Variants in ELMO1 observed in about 807,000 individuals in gnomAD.
ELMO1 encodes the protein engulfment and cell motility protein 1.
ELMO1 carries 26 observed loss-of-function variants against 98.9 expected under a neutral mutation model. The ratio of observed to expected loss-of-function variants is 0.26; its 90% CI spans 0.19 to 0.36. The LOEUF is 0.36. Among genes scored for constraint, ELMO1 ranks in the 10% least tolerant of loss-of-function variants. The pLI is 1.00. For missense variants in ELMO1, 627 were observed against 935.2 expected (o/e 0.67, Z 4.30); for synonymous variants, 346 against 346.0 (o/e 1.00, Z 0.00).
chr7:37,167,275 G>C (rs1039421201), intron 13 of ELMO1, among the ~76,000 whole-genome samples: 24 of 152,070 alleles, frequency 1.6e-4, no homozygotes, highest in Non-Finnish European at 2.5e-4. Context: ...ACACTGATGG[G>C]TCTTGACTCT....
chr7:36,861,114 T>G (rs1338755060), intron 21 of ELMO1, among the ~76,000 whole-genome samples: 2 of 152,224 alleles, frequency 1.3e-5, no homozygotes, highest in African/African-American at 4.8e-5. Context: ...TTTCCTAGAT[T>G]TATGCTAAAT....
chr7:36,897,180 C>A (rs1806079142), intron 16 of ELMO1, among the ~76,000 whole-genome samples: 1 of 152,162 alleles, frequency 6.6e-6, no homozygotes, highest in Non-Finnish European at 1.5e-5. Context: ...CAAAATCCTT[C>A]CCCAGACTTT....
At chr7:36,877,963 C>T (rs1352928495) in intron 19 of ELMO1, 47 bp downstream of exon 19, 1 of 1,460,858 alleles carries the variant, frequency 6.8e-7, no homozygotes, top group Non-Finnish European at 9.6e-7. Context: ...GACTAGGAAA[C>T]AACCAACCGA....
chr7:37,300,898 T>C (rs1247331876), intron 4 of ELMO1, among the ~76,000 whole-genome samples: 1 of 152,196 alleles, frequency 6.6e-6, no homozygotes, highest in African/African-American at 2.4e-5. Flanking sequence ...CATCTGGTCC[T>C]GGACTCTTTT....
At chr7:36,901,583 A>G (rs1363297595) in intron 16 of ELMO1, among the ~76,000 whole-genome samples, 2 of 152,242 alleles carry the variant, frequency 1.3e-5, no homozygotes, top group African/African-American at 4.8e-5. Flanking sequence ...CTAGTGTAAA[A>G]TGAAAACAAC....
chr7:37,221,988 G>A (rs1236337655), intron 10 of ELMO1, among the ~76,000 whole-genome samples: 3 of 152,086 alleles, frequency 2.0e-5, no homozygotes, highest in African/African-American at 7.2e-5. Flanking sequence ...GTGAGCCACC[G>A]CACCCGGCTC....
At chr7:37,045,105 C>G (rs984980811) in intron 15 of ELMO1, among the ~76,000 whole-genome samples, 5 of 152,286 alleles carry the variant, frequency 3.3e-5, no homozygotes, top group African/African-American at 1.2e-4. Flanking sequence ...CGCATACTAC[C>G]AGTAAAGACT....
At chr7:37,176,917 T>C (rs565308608) in intron 13 of ELMO1, among the ~76,000 whole-genome samples, 3 of 152,332 alleles carry the variant, frequency 2.0e-5, no homozygotes, top group African/African-American at 2.4e-5. Flanking sequence ...TAGACCAATA[T>C]GGAAGACACA....
At chr7:37,225,218 T>C (rs989779951) in intron 8 of ELMO1, among the ~76,000 whole-genome samples, 188 bp from the exon 9 acceptor site, 18 of 152,230 alleles carry the variant, frequency 1.2e-4, no homozygotes, top group African/African-American at 4.1e-4. Flanking sequence ...TTACAAAGCA[T>C]GATTTATCTC....
chr7:36,987,199 A>C (rs116234445), intron 16 of ELMO1, among the ~76,000 whole-genome samples: 4,202 of 152,054 alleles, frequency 0.028, 218 homozygotes, highest in African/African-American at 0.096. Context: ...GCCCATTTTC[A>C]TCCCCTCAGA....
chr7:37,065,201 G>A (rs1427178129), intron 15 of ELMO1, among the ~76,000 whole-genome samples: 1 of 150,176 alleles, frequency 6.7e-6, no homozygotes, highest in African/African-American at 2.5e-5. Context: ...TTTTTTTGAG[G>A]TGGACTCCTT....
At chr7:37,210,446 A>G (rs762245045) in intron 13 of ELMO1, among the ~76,000 whole-genome samples, 1 of 151,776 alleles carries the variant, frequency 6.6e-6, no homozygotes, top group Non-Finnish European at 1.5e-5. Flanking sequence ...GCATGATACC[A>G]TTTGTCAAAC....
chr7:37,211,490 G>A lies in ELMO1; in HGVS notation c.982C>T (p.Arg328Ter), dbSNP rs1239652059. The change falls in exon 13 of 22, where the codon CGA (arginine) becomes TGA (stop). Residue 328 changes from arginine to a stop codon, truncating the protein, a stop_gained. Transcript: ENST00000310758. LOFTEE classifies it high-confidence loss of function. The part of the protein sequence containing the change: ...QAQRDIIFEL[R>*]RIAFDAESEP... ...GACTCAGCATCAAAAGCAATTCTTC[G>A]AAGTTCAAATATGATGTCCCTCTGA... 1.2e-6 allele frequency: 2 copies of A among 1,613,944 alleles called. No individual in the cohort carries two copies. Among genetic ancestry groups the A allele is most frequent in the South Asian group, 1.1e-5 (1 of 91,070 alleles).
intron 16 of ELMO1, among the ~76,000 whole-genome samples, chr7:36,895,750 G>A (rs1421762154): frequency 6.6e-6 from 1 of 152,098 alleles, no homozygotes; most frequent in Non-Finnish European, 1.5e-5. Flanking sequence ...GACGCATACA[G>A]CACGAAAAGA....
intron 15 of ELMO1, among the ~76,000 whole-genome samples, chr7:37,063,752 T>C (rs77785618): frequency 0.015 from 2,278 of 152,234 alleles, 66 homozygotes; most frequent in African/African-American, 0.052. Flanking sequence ...GCTGAGAGTA[T>C]TGAGAAAACG....
intron 13 of ELMO1, among the ~76,000 whole-genome samples, chr7:37,137,356 A>G (rs1291113293): frequency 2.0e-5 from 3 of 152,170 alleles, no homozygotes; most frequent in African/African-American, 7.2e-5. Flanking sequence ...ACAGCACTAG[A>G]AAGGTCATCA....
rs186893879 is a variant in ELMO1, at chr7:37,158,617, C to A, written c.1087-25383G>T. On this transcript the variant is annotated intron_variant, in intron 13 of 21. Transcript: ENST00000310758. ...AACCACAATGAGATACCATCTCACA[C>A]CAGTTAGAATGGCGATCATTAAAAA... Among the ~76,000 whole-genome samples, 762 of 152,272 alleles carry A rather than the reference C, an allele frequency of 5.0e-3. 9 individuals are homozygous for A. Among genetic ancestry groups the A allele is most frequent in the African/African-American group, 0.017 (699 of 41,558 alleles).
chr7:37,185,068 G>T (rs1482596575), intron 13 of ELMO1, among the ~76,000 whole-genome samples: 15 of 152,090 alleles, frequency 9.9e-5, no homozygotes, highest in Admixed American at 4.6e-4. Context: ...AAAATATTTT[G>T]CATTTCCTCT....
chr7:36,915,887 T>A (rs1230301337), intron 16 of ELMO1, among the ~76,000 whole-genome samples: 2 of 152,110 alleles, frequency 1.3e-5, no homozygotes, highest in East Asian at 3.9e-4. Context: ...AGAACTTCCT[T>A]CCCCAAACAG....
Sources: allele counts gnomAD v4.1 joint callset (sites outside exome capture counted in the v4.1 genomes callset), GRCh38; gene constraint gnomAD v4.1.1; transcripts MANE v1.5; gene names NCBI Gene and HGNC (gene_info 2026-07-23, HGNC 2026-07-21).